SBK1: variants seen among roughly 807,000 people sequenced by gnomAD.
SBK1 encodes SH3 domain binding kinase 1, also known as serine/threonine-protein kinase SBK1.
A neutral mutation model predicts 24.4 loss-of-function variants in SBK1; 11 were observed. That is an observed-to-expected ratio of 0.45 (90% CI 0.28 to 0.75). The LOEUF (loss-of-function observed/expected upper bound fraction) is 0.75. Ranked by LOEUF, SBK1 falls within the 30% of genes least tolerant of loss-of-function variation. The pLI is 0.12. For synonymous variants in SBK1, 308 were observed against 284.4 expected (o/e 1.08, Z -0.83); for missense variants, 467 against 620.5 (o/e 0.75, Z 2.63).
Position 28,320,792 on chromosome 16 carries a change from AGTGCCC to A in SBK1, c.1152_1157del (p.Val389_Pro390del), listed in dbSNP as rs750159894. 9 of 1,420,252 alleles carry A rather than the reference AGTGCCC, an allele frequency of 6.3e-6. No homozygotes were observed. The East Asian group carries it at 2.9e-4, about 46-fold the overall frequency. 88.0% of individuals were successfully genotyped at this position (1,420,252 alleles called of 1,614,324 possible). ...CCTTGCCCGTGCCGGTGCCGGTGCC[AGTGCCC>A]GTGCCGGTGCCTGTGCCCGAGCCCG... On this transcript the variant is annotated inframe_deletion, in exon 4 of 4. Transcript: ENST00000341901. This position sits in a 1 kb window ranked among gnomAD's most constrained non-coding sequence, Gnocchi z 8.5.
At chr16:28,304,654 C>T (rs747818912) in intron 1 of SBK1, among the ~76,000 whole-genome samples, 13 of 152,080 alleles carry the variant, frequency 8.5e-5, no homozygotes, top group Non-Finnish European at 1.8e-4. Flanking sequence ...GTCGCCCAGG[C>T]TGGAGTGCAG....
intron 1 of SBK1, among the ~76,000 whole-genome samples, chr16:28,280,041 G>C (rs2044519997): frequency 7.1e-6 from 1 of 140,652 alleles, no homozygotes; most frequent in South Asian, 2.3e-4. Context: ...GAATACAGTG[G>C]CACAAACATA....
chr16:28,304,200 CATCCATAT>C (rs1555538032), intron 1 of SBK1, among the ~76,000 whole-genome samples: 1 of 152,194 alleles, frequency 6.6e-6, no homozygotes, highest in Non-Finnish European at 1.5e-5. Context: ...AATGGCAGTA[CATCCATAT>C]ATGCCTTTCC....
upstream of SBK1, among the ~76,000 whole-genome samples, chr16:28,288,713 A>G (rs1029884273): frequency 2.6e-5 from 4 of 151,984 alleles, no homozygotes; most frequent in Non-Finnish European, 5.9e-5. Flanking sequence ...TTGTCCTCCC[A>G]CTGTAAAAGC....
At chr16:28,259,138 G>C (rs4075245), upstream of SBK1, 121,553 of 152,370 alleles carry the variant, frequency 0.8, 49,372 homozygotes, top group Non-Finnish European at 0.89. The surrounding 1 kb of genome is among the most constrained non-coding windows in gnomAD (Gnocchi z 6.0). Context: ...ACACCGCTTC[G>C]CACGGCCCAG....
chr16:28,284,118 C>T (rs1209983795), intron 1 of SBK1, among the ~76,000 whole-genome samples: 2 of 152,230 alleles, frequency 1.3e-5, no homozygotes, highest in East Asian at 3.8e-4. Flanking sequence ...ACGCTTGTCG[C>T]TGTCTTCCTG....
At chr16:28,259,160 G>C (rs558425005), upstream of SBK1, 1 of 152,338 alleles carries the variant, frequency 6.6e-6, no homozygotes, top group Non-Finnish European at 1.5e-5. The surrounding 1 kb of genome is among the most constrained non-coding windows in gnomAD (Gnocchi z 6.0). Flanking sequence ...CCCGTGGCTG[G>C]AACCCCCACG....
Position 28,320,687 on chromosome 16 carries a change from G to A in SBK1, c.1041G>A (p.Ala347=). The part of the protein sequence containing the change: ...PPAAGPLRLE[A]PGPLKRTVLT... ...CCGCCGGGCCACTGCGCCTCGAGGC[G>A]CCTGGGCCGCTCAAGCGGACGGTGC... Residue 347 remains alanine (A), a synonymous_variant, in exon 4 of 4, where the codon GCG becomes GCA. Coordinates refer to ENST00000341901, the MANE Select transcript of SBK1 (RefSeq NM_001024401.3). The surrounding 1 kb of genome is among the most constrained non-coding windows in gnomAD (Gnocchi z 8.5). The A allele has an allele frequency of 1.8e-6, 2 of 1,091,110 alleles. No homozygotes were observed. Among genetic ancestry groups the A allele is most frequent in the Non-Finnish European group, 2.2e-6 (2 of 897,106 alleles). 67.6% of individuals were successfully genotyped at this position (1,091,110 alleles called of 1,614,324 possible).
intron 1 of SBK1, among the ~76,000 whole-genome samples, chr16:28,300,505 A>G (rs2044671744): frequency 6.6e-6 from 1 of 151,362 alleles, no homozygotes; most frequent in Non-Finnish European, 1.5e-5. Context: ...TTAATGTTTT[A>G]TAGAAATGGG....
In SBK1 at chr16:28,262,235, C is replaced by A. The variant is rs370382508; in HGVS notation, c.257+2733C>A. Reference sequence around the variant, plus strand: ...GAAATCTGTGGCTGCCCCCAGCCAACCCCGCCCCGCCTCTCCCAGCCTTGC... The same window carrying A: ...GAAATCTGTGGCTGCCCCCAGCCAAACCCGCCCCGCCTCTCCCAGCCTTGC... On this transcript the variant is annotated intron_variant, in intron 1 of 3. Coordinates refer to the SBK1 transcript ENST00000671413. Among the ~76,000 whole-genome samples the A allele has an allele frequency of 8.2e-3, 1,255 of 152,208 alleles. 14 individuals are homozygous for A. The highest frequency in any genetic ancestry group is 0.028 in the African/African-American group (1,165 of 41,544).
chr16:28,278,608 G>A, intron 1 of SBK1, among the ~76,000 whole-genome samples: 1 of 151,990 alleles, frequency 6.6e-6, no homozygotes, highest in Non-Finnish European at 1.5e-5. Context: ...GAGTTCAATG[G>A]CGCGATCTCA....
chr16:28,312,255 C>G (rs1252981186), intron 1 of SBK1, among the ~76,000 whole-genome samples: 2 of 152,194 alleles, frequency 1.3e-5, no homozygotes, highest in East Asian at 3.8e-4. Flanking sequence ...GCGCAGGCCC[C>G]GGGGAGGCCT....
chr16:28,281,057 C>T (rs947452244), intron 1 of SBK1, among the ~76,000 whole-genome samples: 20 of 152,208 alleles, frequency 1.3e-4, no homozygotes, highest in African/African-American at 4.3e-4. Context: ...CCTTGGTGAC[C>T]TCAGACCTTG....
Position 28,293,073 on chromosome 16 carries a change from T to C in SBK1, c.-235T>C, listed in dbSNP as rs2044613047. The C allele has an allele frequency of 1.0e-6, 1 of 985,562 alleles. No homozygotes were observed. Among genetic ancestry groups the C allele is most frequent in the Non-Finnish European group, 1.2e-6 (1 of 830,136 alleles). 61.1% of individuals were successfully genotyped at this position (985,562 alleles called of 1,614,324 possible). A position where few individuals can be genotyped will look rare whatever the true frequency, so the allele number is the denominator to read the frequency against. On this transcript the variant is annotated 5_prime_UTR_variant, in exon 1 of 4. Transcript: ENST00000341901. ...CCCAATTCCCCCCAACTCCGGTACA[T>C]AGAAATCCCAAATCTAGGCAGCCGG...
Position 28,319,016 on chromosome 16 carries a change from T to G in SBK1, c.248T>G (p.Phe83Cys). The change falls in exon 3 of 4, where the codon TTT becomes TGT. Residue 83 changes from phenylalanine (F) to cysteine (C), a missense_variant. Physicochemically the swap from Phe to Cys is radical, Grantham distance 205. This residue lies in a region of SBK1 where 123 missense variants were observed against 158.2 expected (regional missense o/e 0.78). Coordinates refer to ENST00000341901, the MANE Select transcript of SBK1 (RefSeq NM_001024401.3). The surrounding 1 kb of genome is among the most constrained non-coding windows in gnomAD (Gnocchi z 4.0). The stretch of plus-strand genomic sequence containing the variant: ...TCAGGCACAAAAATGGCACTGAAGT[T>G]TGTGAACAAGAGCAAAACCAAGCTG... The part of the protein sequence containing the change: ...KGTGTKMALK[F>C]VNKSKTKLKN... The G allele has an allele frequency of 1.2e-6, 2 of 1,614,070 alleles. No homozygotes were observed. The highest frequency in any genetic ancestry group is 1.7e-6 in the Non-Finnish European group (2 of 1,179,990).
At chr16:28,310,024 G>A (rs2141586261) in intron 1 of SBK1, among the ~76,000 whole-genome samples, 1 of 152,362 alleles carries the variant, frequency 6.6e-6, no homozygotes, top group East Asian at 1.9e-4. Context: ...GTGGTGGGCG[G>A]CTCAGTCTTG....
chr16:28,292,739 A>G lies in SBK1; in HGVS notation c.-569A>G. On this transcript the variant is annotated 5_prime_UTR_variant, in exon 1 of 4. Transcript: ENST00000341901. The stretch of plus-strand genomic sequence containing the variant: ...GGACCCACTAAAGCCCCCGCAGCCG[A>G]GGAGTGCGGGGAGCCCCCTTCCACA... The G allele has an allele frequency of 1.0e-6, 1 of 984,528 alleles. No individual in the cohort carries two copies. 61.0% of individuals were successfully genotyped at this position (984,528 alleles called of 1,614,324 possible).
At chr16:28,289,226 C>T (rs929331451), upstream of SBK1, among the ~76,000 whole-genome samples, 1 of 152,220 alleles carries the variant, frequency 6.6e-6, no homozygotes, top group East Asian at 1.9e-4. Flanking sequence ...CCTCTCCAGC[C>T]CCCTCTTCTG....
intron 1 of SBK1, among the ~76,000 whole-genome samples, chr16:28,293,725 G>A (rs1443983797): frequency 1.3e-5 from 2 of 152,098 alleles, no homozygotes; most frequent in African/African-American, 4.8e-5. Context: ...CACAGGTGAG[G>A]GGGGCTGCCT....
Sources: allele counts gnomAD v4.1 joint callset (sites outside exome capture counted in the v4.1 genomes callset), GRCh38; gene constraint gnomAD v4.1.1; regional missense constraint gnomAD v4.1.1; non-coding constraint Gnocchi (gnomAD v3.1); transcripts MANE v1.5; gene names NCBI Gene and HGNC (gene_info 2026-07-23, HGNC 2026-07-21).